RASEF: variants seen among roughly 807,000 people sequenced by gnomAD.
The protein encoded by RASEF is RAS and EF-hand domain containing.
In RASEF, 68 loss-of-function variants were observed where a neutral mutation model predicts 90.1. The ratio of observed to expected loss-of-function variants is 0.75; its 90% CI spans 0.62 to 0.92. The LOEUF (loss-of-function observed/expected upper bound fraction) is 0.92, where lower values mean the gene tolerates loss of function less well. Among genes scored for constraint, RASEF ranks in the 40% least tolerant of loss-of-function variants. The pLI, the probability that RASEF is intolerant of heterozygous loss-of-function variation, is 0.00. For missense variants in RASEF, 949 were observed against 937.2 expected (o/e 1.01, Z -0.16); for synonymous variants, 331 against 345.2 (o/e 0.96, Z 0.46).
At chr9:83,015,955 C>G in intron 3 of RASEF, 55 bp from the exon 4 acceptor site, 2 of 1,277,978 alleles carry the variant, frequency 1.6e-6, no homozygotes, top group Non-Finnish European at 2.3e-6. Context: ...TCTTAACCTT[C>G]AAAACCCCAC....
chr9:83,104,982 A>G, the RASEF span, among the ~76,000 whole-genome samples: 2 of 152,194 alleles, frequency 1.3e-5, no homozygotes, highest in South Asian at 4.1e-4. Flanking sequence ...ATAAAGAAAT[A>G]TAGATGAGCT....
intron 1 of RASEF, among the ~76,000 whole-genome samples, chr9:83,049,468 G>T (rs1236139215): frequency 6.8e-5 from 10 of 147,480 alleles, no homozygotes; most frequent in Non-Finnish European, 1.3e-4. Flanking sequence ...GCACTCTGTT[G>T]TCAGTCACCT....
At chr9:83,035,674 A>C (rs1418153758) in intron 1 of RASEF, among the ~76,000 whole-genome samples, 1 of 152,216 alleles carries the variant, frequency 6.6e-6, no homozygotes, top group Non-Finnish European at 1.5e-5. Context: ...ATGTAGGCAT[A>C]ATCTAGTAGT....
chr9:83,193,187 GT>G, the RASEF span, among the ~76,000 whole-genome samples: 4 of 152,208 alleles, frequency 2.6e-5, no homozygotes, highest in Non-Finnish European at 4.4e-5. Flanking sequence ...GGCAGCTGTA[GT>G]GCCAGGTCCC....
At chr9:83,171,626 T>A in the RASEF span, among the ~76,000 whole-genome samples, 19 of 151,952 alleles carry the variant, frequency 1.3e-4, no homozygotes, top group East Asian at 2.9e-3. Context: ...TATGTTCAAG[T>A]GTTCTGTTTC....
the RASEF span, among the ~76,000 whole-genome samples, chr9:83,178,066 T>G: frequency 6.6e-6 from 1 of 152,154 alleles, no homozygotes; most frequent in African/African-American, 2.4e-5. Context: ...TAAATGGTTG[T>G]TTTTTGTTGG....
chr9:83,177,572 T>C, the RASEF span, among the ~76,000 whole-genome samples: 1 of 152,096 alleles, frequency 6.6e-6, no homozygotes, highest in African/African-American at 2.4e-5. Flanking sequence ...AAGTTTCTGG[T>C]AAGATGCTAA....
Position 82,982,691 on chromosome 9 carries a change from A to G in RASEF, c.2209T>C (p.Cys737Arg). 1 of 1,587,442 alleles carries G rather than the reference A, an allele frequency of 6.3e-7. No individual in the cohort carries two copies. ...ATGTTTGGGATTTAGCCATTGCAACAATTCTTCATCTGTGGTGACTTTTTG... is the reference window on the plus strand; with the variant it reads ...ATGTTTGGGATTTAGCCATTGCAACGATTCTTCATCTGTGGTGACTTTTTG... ...NSKKSPQMKN[C>R]CNG The change falls in exon 17 of 17, where the codon TGT becomes CGT. Residue 737 changes from cysteine to arginine, a missense_variant. This residue lies in a region of RASEF where 288 missense variants were observed against 328.4 expected (regional missense o/e 0.88). Transcript: ENST00000376447.
chr9:83,001,245 C>A (rs1244640419), intron 9 of RASEF, 115 bp from the exon 10 acceptor site: 8 of 686,098 alleles, frequency 1.2e-5, no homozygotes, highest in Non-Finnish European at 1.7e-5. Context: ...GGCTAAGAGC[C>A]GCAGTGTTAT....
At chr9:83,170,796 T>C in the RASEF span, among the ~76,000 whole-genome samples, 1 of 151,980 alleles carries the variant, frequency 6.6e-6, no homozygotes, top group Non-Finnish European at 1.5e-5. Context: ...CTGGATTCCT[T>C]TACCAATTCT....
chr9:83,071,737 C>CTGA, the RASEF span, among the ~76,000 whole-genome samples: 1 of 152,174 alleles, frequency 6.6e-6, no homozygotes, highest in African/African-American at 2.4e-5. Context: ...GTGAATTATA[C>CTGA]TGATGGATTT....
At chr9:83,131,123 G>A in the RASEF span, among the ~76,000 whole-genome samples, 27 of 152,228 alleles carry the variant, frequency 1.8e-4, no homozygotes, top group African/African-American at 6.5e-4. Context: ...CTGACCCTAG[G>A]GCGTTTCTTC....
chr9:83,148,866 T>C, the RASEF span, among the ~76,000 whole-genome samples: 1 of 152,178 alleles, frequency 6.6e-6, no homozygotes, highest in Non-Finnish European at 1.5e-5. Context: ...GTCCACATGA[T>C]TCCTCTGGCA....
At chr9:83,011,312 T>C (rs1444146088) in intron 5 of RASEF, among the ~76,000 whole-genome samples, 2 of 152,088 alleles carry the variant, frequency 1.3e-5, no homozygotes, top group Admixed American at 6.6e-5. Flanking sequence ...CCCAGCACTT[T>C]GGGAGGCCAA....
chr9:83,049,270 C>A (rs1829996250), intron 1 of RASEF: 2 of 981,754 alleles, frequency 2.0e-6, no homozygotes, highest in African/African-American at 3.5e-5. Flanking sequence ...AATCGACACA[C>A]ATTTACAAAA....
At chr9:83,149,250 T>C in the RASEF span, among the ~76,000 whole-genome samples, 3 of 152,338 alleles carry the variant, frequency 2.0e-5, no homozygotes, top group East Asian at 5.8e-4. Context: ...ACAGATATTG[T>C]GCCTGTCCTC....
At chr9:83,047,236 C>A (rs1014328176) in intron 1 of RASEF, among the ~76,000 whole-genome samples, 5 of 151,808 alleles carry the variant, frequency 3.3e-5, no homozygotes, top group African/African-American at 7.3e-5. Context: ...AGGAACAAAG[C>A]TTGACTGAAC....
the RASEF span, among the ~76,000 whole-genome samples, chr9:83,215,526 C>T: frequency 1.3e-5 from 2 of 152,248 alleles, no homozygotes. Context: ...GCAAGCCACA[C>T]TCCTGTCACA....
At chr9:83,024,612 A>G (rs925352769) in intron 2 of RASEF, among the ~76,000 whole-genome samples, 3 of 152,308 alleles carry the variant, frequency 2.0e-5, no homozygotes, top group African/African-American at 7.2e-5. Context: ...GAAGGCCCCT[A>G]GAAGGCTAAT....
Sources: gnomAD v4.1 joint callset for allele counts (sites outside exome capture counted in the v4.1 genomes callset) on GRCh38, gnomAD v4.1.1 for gene constraint, gnomAD v4.1.1 regional missense constraint, MANE v1.5 for transcripts, NCBI Gene and HGNC (gene_info 2026-07-23, HGNC 2026-07-21) for gene names.